Variants in ACSS3 observed in about 807,000 individuals in gnomAD.
The protein encoded by ACSS3 is acyl-CoA synthetase short chain family member 3.
ACSS3 carries 64 observed loss-of-function variants against 84.2 expected under a neutral mutation model. The observed-to-expected ratio is 0.76, with a 90% confidence interval of 0.62 to 0.94. The LOEUF (loss-of-function observed/expected upper bound fraction) is 0.94, where lower values mean the gene tolerates loss of function less well. Ranked by LOEUF, ACSS3 falls within the 40% of genes least tolerant of loss-of-function variation. The pLI, the probability that ACSS3 is intolerant of heterozygous loss-of-function variation, is 0.00. For missense variants in ACSS3, 815 were observed against 867.6 expected (o/e 0.94, Z 0.76); for synonymous variants, 317 against 310.1 (o/e 1.02, Z -0.23).
chr12:81,161,689 A>C (rs1352390207), intron 7 of ACSS3, among the ~76,000 whole-genome samples: 4 of 152,116 alleles, frequency 2.6e-5, no homozygotes, highest in Non-Finnish European at 5.9e-5. Flanking sequence ...GTTTTACTTG[A>C]GCCTGCTGGG....
At chr12:81,217,048 G>T (rs1025541492) in intron 10 of ACSS3, 52 bp downstream of exon 10, 3 of 1,439,552 alleles carry the variant, frequency 2.1e-6, no homozygotes, top group Admixed American at 3.4e-5. Context: ...GCATTTTCTT[G>T]CATCTAGTGT....
At chr12:81,248,358 G>GAAT (rs2034049255) in intron 13 of ACSS3, among the ~76,000 whole-genome samples, 1 of 151,980 alleles carries the variant, frequency 6.6e-6, no homozygotes, top group African/African-American at 2.4e-5. Context: ...GTGCATAATA[G>GAAT]AATAATACTT....
chr12:81,198,665 T>G (rs2031960774), intron 8 of ACSS3, among the ~76,000 whole-genome samples: 1 of 152,032 alleles, frequency 6.6e-6, no homozygotes, highest in African/African-American at 2.4e-5. Context: ...TGTATTTTCC[T>G]ATTTCGTTTT....
At chr12:81,114,172 C>T (rs1414687367) in intron 2 of ACSS3, among the ~76,000 whole-genome samples, 1 of 152,022 alleles carries the variant, frequency 6.6e-6, no homozygotes, top group Admixed American at 6.6e-5. Context: ...TACATGTATA[C>T]TGGGAAAATT....
At chr12:81,127,347 C>T (rs1284190662) in intron 2 of ACSS3, among the ~76,000 whole-genome samples, 1 of 151,988 alleles carries the variant, frequency 6.6e-6, no homozygotes, top group African/African-American at 2.4e-5. Flanking sequence ...TTTAGAATAA[C>T]TGATTATTTT....
chr12:81,126,227 T>C (rs925106919), intron 2 of ACSS3, among the ~76,000 whole-genome samples: 1 of 152,224 alleles, frequency 6.6e-6, no homozygotes, highest in Admixed American at 6.5e-5. Context: ...ATTAGAGATA[T>C]TGGCAGCAAC....
chr12:81,158,932 G>A (rs1887013881), intron 7 of ACSS3, among the ~76,000 whole-genome samples: 1 of 152,172 alleles, frequency 6.6e-6, no homozygotes, highest in African/African-American at 2.4e-5. Flanking sequence ...GGAGTCATCT[G>A]AGTTTGTGTC....
chr12:81,140,303 T>A lies in ACSS3; in HGVS notation c.780+1038T>A, dbSNP rs967690165. On this transcript the variant is annotated intron_variant, in intron 4 of 15. Transcript: ENST00000548058. The stretch of plus-strand genomic sequence containing the variant: ...AATACAATTTACCGTACTTTTCCTG[T>A]AACTTTGAACTCATGATCACCTTAC... 2.0e-5 allele frequency among the ~76,000 whole-genome samples: 3 copies of A among 152,348 alleles called. No individual in the cohort carries two copies. In the South Asian group the frequency reaches 6.2e-4, roughly 32 times the overall value.
intron 15 of ACSS3, among the ~76,000 whole-genome samples, chr12:81,254,398 A>G (rs2034244808): frequency 6.6e-6 from 1 of 152,178 alleles, no homozygotes; most frequent in African/African-American, 2.4e-5. Context: ...AAAATGCTCT[A>G]ACTGATAAAT....
At chr12:81,225,965 C>A (rs1183258788) in intron 11 of ACSS3, among the ~76,000 whole-genome samples, 1 of 151,898 alleles carries the variant, frequency 6.6e-6, no homozygotes, top group Admixed American at 6.6e-5. Context: ...AAATCTTTCT[C>A]ATACTAAATC....
At position 81,202,279 on chromosome 12, in the gene ACSS3, A is replaced by AAAAT. The variant is rs200748784; in HGVS notation, c.1354+2859_1354+2862dup. On this transcript the variant is annotated intron_variant, in intron 9 of 15. Transcript: ENST00000548058. ...GGGTGATAGAGCGAGACTCTGTCTC[A>AAAAT]AAATAAATAAATAAATAAATAAATA... Among the ~76,000 whole-genome samples, 1,174 of 151,552 alleles carry AAAAT rather than the reference A, an allele frequency of 7.7e-3. 8 individuals are homozygous for AAAAT. The highest frequency in any genetic ancestry group is 0.058 in the East Asian group (298 of 5,150).
intron 3 of ACSS3, among the ~76,000 whole-genome samples, chr12:81,138,223 A>G (rs2121575354): frequency 6.6e-6 from 1 of 152,318 alleles, no homozygotes; most frequent in Admixed American, 6.5e-5. Flanking sequence ...AATGTACTTA[A>G]AAATATGAGG....
In ACSS3 at chr12:81,138,449, C is replaced by T. The variant is rs1283330270; in HGVS notation, c.646-682C>T. Among the ~76,000 whole-genome samples, 4 of 152,288 alleles carry T rather than the reference C, an allele frequency of 2.6e-5. No individual in the cohort carries two copies. In the East Asian group the frequency reaches 7.7e-4, roughly 29 times the overall value. ...TACTGAAAAGAGAGGTTAACATAAGCTGTGGTTCCCACCAGGGATACATTT... is the reference window on the plus strand; with the variant it reads ...TACTGAAAAGAGAGGTTAACATAAGTTGTGGTTCCCACCAGGGATACATTT... On this transcript the variant is annotated intron_variant, in intron 3 of 15. Coordinates refer to ENST00000548058, the MANE Select transcript of ACSS3 (RefSeq NM_024560.4).
intron 13 of ACSS3, among the ~76,000 whole-genome samples, chr12:81,234,823 C>A (rs2033578239): frequency 6.6e-6 from 1 of 151,042 alleles, no homozygotes. Context: ...ATGCAGTTTG[C>A]AATTTCTTTT....
chr12:81,231,889 AACAGGG>A (rs1416687022), intron 12 of ACSS3, among the ~76,000 whole-genome samples: 5 of 130,468 alleles, frequency 3.8e-5, no homozygotes, highest in Non-Finnish European at 8.1e-5. Context: ...GCCTAACCCC[AACAGGG>A]ACACCTGGTC....
Position 81,259,645 on chromosome 12 carries a change from A to C in ACSS3, c.*4723A>C. The C allele has an allele frequency of 1.3e-6, 2 of 1,534,604 alleles. No individual in the cohort carries two copies. Among genetic ancestry groups the C allele is most frequent in the Non-Finnish European group, 1.7e-6 (2 of 1,145,738 alleles). ...TGGTAGTGCACTTTAGGTAGAGTAG[A>C]CTGAAAAGACGCCATCTAAAATATA... is the stretch of plus-strand genomic sequence containing the variant. On this transcript the variant is annotated 3_prime_UTR_variant, in exon 16 of 16. Coordinates refer to ENST00000548058, the MANE Select transcript of ACSS3 (RefSeq NM_024560.4).
At chr12:81,211,758 A>G (rs531786151) in intron 9 of ACSS3, among the ~76,000 whole-genome samples, 1 of 152,312 alleles carries the variant, frequency 6.6e-6, no homozygotes, top group South Asian at 2.1e-4. Context: ...TGATTCATTA[A>G]TTTTTTGTTC....
intron 1 of ACSS3, among the ~76,000 whole-genome samples, chr12:81,105,408 G>C (rs1882901018): frequency 6.6e-6 from 1 of 152,102 alleles, no homozygotes; most frequent in African/African-American, 2.4e-5. Context: ...AGAATCAATT[G>C]AACTGGAGCA....
At chr12:81,210,944 ATTTTAATTCAT>A (rs1457178863) in intron 9 of ACSS3, among the ~76,000 whole-genome samples, 1 of 152,146 alleles carries the variant, frequency 6.6e-6, no homozygotes, top group Non-Finnish European at 1.5e-5. Flanking sequence ...CTTTGATGGA[ATTTTAATTCAT>A]TTTTAATTTA....
Sources: gnomAD v4.1 joint callset for allele counts (sites outside exome capture counted in the v4.1 genomes callset) on GRCh38, gnomAD v4.1.1 for gene constraint, MANE v1.5 for transcripts, NCBI Gene and HGNC (gene_info 2026-07-23, HGNC 2026-07-21) for gene names.